The following SETD3 variants were observed in gnomAD, a reference collection of about 807,000 sequenced individuals.
SETD3 encodes actin-histidine N-methyltransferase.
Under a neutral mutation model 63.0 loss-of-function variants are expected in SETD3, and 19 were observed. The ratio of observed to expected loss-of-function variants is 0.30; its 90% CI spans 0.21 to 0.44. The LOEUF (loss-of-function observed/expected upper bound fraction) is 0.44. SETD3 is among the 20% of genes least tolerant of loss of function. SETD3 has a pLI of 1.00. For synonymous variants in SETD3, 286 were observed against 264.1 expected (o/e 1.08, Z -0.80); for missense variants, 587 against 728.5 (o/e 0.81, Z 2.24).
In SETD3 at chr14:99,458,462, C is replaced by T. The variant is rs1269800214; in HGVS notation, c.492G>A (p.Glu164=). Residue 164 remains glutamate (E), a synonymous_variant, in exon 6 of 13, where the codon GAG becomes GAA. Transcript: ENST00000331768. ...GCCAGAAGGAGTTAGGGCTGGCTCGCTCACACAGCAAATGAAAGGCCAGTG... is the reference window on the plus strand; with the variant it reads ...GCCAGAAGGAGTTAGGGCTGGCTCGTTCACACAGCAAATGAAAGGCCAGTG... ...NIALAFHLLC[E]RASPNSFWQP... is the part of the protein sequence containing the mutation. 2.2e-5 allele frequency: 35 copies of T among 1,614,038 alleles called. No homozygotes were observed. Among genetic ancestry groups the T allele is most frequent in the Non-Finnish European group, 2.9e-5 (34 of 1,180,034 alleles).
At chr14:99,433,442 GTTC>G (rs1243848194) in intron 6 of SETD3, among the ~76,000 whole-genome samples, 4 of 151,706 alleles carry the variant, frequency 2.6e-5, no homozygotes, top group Admixed American at 6.6e-5. Flanking sequence ...TATTTTAAAA[GTTC>G]TTTTTTTTTT....
chr14:99,429,207 G>A (rs1893042333), intron 6 of SETD3, among the ~76,000 whole-genome samples: 1 of 152,098 alleles, frequency 6.6e-6, no homozygotes, highest in South Asian at 2.1e-4. Context: ...CCCAGTAAAT[G>A]TTAGTGCCCT....
chr14:99,437,923 G>C (rs1283134851), intron 6 of SETD3, among the ~76,000 whole-genome samples: 3 of 152,132 alleles, frequency 2.0e-5, no homozygotes, highest in Non-Finnish European at 4.4e-5. Flanking sequence ...CCTCAGGTCA[G>C]CCCACATGCC....
At chr14:99,427,914 A>C (rs575546040) in intron 6 of SETD3, among the ~76,000 whole-genome samples, 68 of 152,352 alleles carry the variant, frequency 4.5e-4, no homozygotes, top group African/African-American at 1.6e-3. Context: ...ATGCGAGTTA[A>C]GTCTCTAAAG....
At chr14:99,436,091 G>A (rs1164650257) in intron 6 of SETD3, among the ~76,000 whole-genome samples, 1 of 151,988 alleles carries the variant, frequency 6.6e-6, no homozygotes, top group Non-Finnish European at 1.5e-5. Context: ...AAAACCATCA[G>A]ACCTTGTAAG....
intron 11 of SETD3, among the ~76,000 whole-genome samples, chr14:99,403,455 A>ACT (rs55804663): frequency 0.013 from 1,704 of 135,474 alleles, 6 homozygotes; most frequent in Non-Finnish European, 0.018. Context: ...ACACACACAC[A>ACT]CTCTCTCTCT....
intron 6 of SETD3, among the ~76,000 whole-genome samples, chr14:99,449,078 C>A (rs1246876660): frequency 6.6e-6 from 1 of 152,088 alleles, no homozygotes; most frequent in Non-Finnish European, 1.5e-5. Context: ...AAATAAATAT[C>A]CATGAGTCCA....
chr14:99,400,213 G>C lies in SETD3; in HGVS notation c.1224C>G (p.Ile408Met), dbSNP rs1316240691. The C allele has an allele frequency of 6.2e-7, 1 of 1,614,148 alleles. No homozygotes were observed. The highest frequency in any genetic ancestry group is 1.3e-5 in the African/African-American group (1 of 75,048). The change falls in exon 12 of 13, where the codon ATC becomes ATG. Residue 408 changes from isoleucine (I) to methionine (M), a missense_variant. Transcript: ENST00000331768. ...GAAATTCCGAGTTCCCCAAGGTGAA[G>C]ATTCTATCAATAGCGCTGTCTCCCA... ...HLLGDSAIDR[I>M]FTLGNSEFPV...
At chr14:99,466,163 A>G (rs1895359794) in intron 1 of SETD3, among the ~76,000 whole-genome samples, 3 of 152,206 alleles carry the variant, frequency 2.0e-5, no homozygotes, top group Admixed American at 6.5e-5. Context: ...TGCATACATC[A>G]TACACATATG....
intron 6 of SETD3, among the ~76,000 whole-genome samples, chr14:99,431,526 T>C (rs2139691476): frequency 6.6e-6 from 1 of 152,156 alleles, no homozygotes; most frequent in African/African-American, 2.4e-5. Flanking sequence ...AGTTTTGCTC[T>C]TGTTGCCCAG....
intron 6 of SETD3, among the ~76,000 whole-genome samples, chr14:99,435,598 C>A (rs1212197185): frequency 1.3e-5 from 2 of 152,220 alleles, no homozygotes; most frequent in Non-Finnish European, 2.9e-5. Context: ...CCCTCTTCAG[C>A]ACCCCTAAAG....
chr14:99,428,676 T>C (rs181797046), intron 6 of SETD3, among the ~76,000 whole-genome samples: 1 of 152,086 alleles, frequency 6.6e-6, no homozygotes, highest in African/African-American at 2.4e-5. Flanking sequence ...AAACAAGTGA[T>C]GGAGGAAGTG....
chr14:99,452,356 C>A (rs889395554), intron 6 of SETD3, among the ~76,000 whole-genome samples: 2 of 152,216 alleles, frequency 1.3e-5, no homozygotes, highest in African/African-American at 4.8e-5. Flanking sequence ...CTGCCTGCCT[C>A]GGCCTCCCGG....
chr14:99,440,283 T>C (rs1893726481), intron 6 of SETD3, among the ~76,000 whole-genome samples: 1 of 152,208 alleles, frequency 6.6e-6, no homozygotes, highest in Non-Finnish European at 1.5e-5. Context: ...ATAAAGTTGA[T>C]TTGCAAAATG....
At chr14:99,404,476 T>C (rs1049326303) in intron 10 of SETD3, among the ~76,000 whole-genome samples, 166 bp from the exon 11 acceptor site, 2 of 152,176 alleles carry the variant, frequency 1.3e-5, no homozygotes, top group African/African-American at 4.8e-5. Flanking sequence ...TTTCAGCCCC[T>C]GCAAAAGGCC....
rs1462683249 is a variant in SETD3, at chr14:99,477,445, T to A, written c.-9+3283A>T. On this transcript the variant is annotated intron_variant, in intron 1 of 12. Transcript: ENST00000331768. ...GCTAATTTTTTTTTCAAAAGACTAT[T>A]AAGTAACTTTTTAAAAAGCCAAGTC... 2.0e-5 allele frequency among the ~76,000 whole-genome samples: 3 copies of A among 152,268 alleles called. No individual in the cohort carries two copies. The East Asian group carries it at 5.8e-4, about 29-fold the overall frequency.
Position 99,461,154 on chromosome 14 carries a change from C to T in SETD3, c.345+38G>A, listed in dbSNP as rs778237853. ...CCTCTACAGCACACCACAGTTCAAA[C>T]ACATAGACCCCTTGAGACCAACATT... On this transcript the variant is annotated intron_variant, in intron 4 of 12. Transcript: ENST00000331768. The T allele has an allele frequency of 6.8e-6, 11 of 1,610,418 alleles. No individual in the cohort carries two copies. The Admixed American group carries it at 1.7e-4, about 25-fold the overall frequency.
chr14:99,408,540 G>C (rs1367289088), intron 8 of SETD3, among the ~76,000 whole-genome samples: 1 of 152,094 alleles, frequency 6.6e-6, no homozygotes, highest in Non-Finnish European at 1.5e-5. Context: ...ACAGGAGGGA[G>C]GTTAGAGGAA....
chr14:99,457,150 T>C (rs776074140), intron 6 of SETD3, among the ~76,000 whole-genome samples: 2 of 152,222 alleles, frequency 1.3e-5, no homozygotes, highest in African/African-American at 2.4e-5. Flanking sequence ...GCACACTATA[T>C]GAAGAAGCAA....
Sources: gnomAD v4.1 joint callset for allele counts (sites outside exome capture counted in the v4.1 genomes callset) on GRCh38, gnomAD v4.1.1 for gene constraint, MANE v1.5 for transcripts, NCBI Gene and HGNC (gene_info 2026-07-23, HGNC 2026-07-21) for gene names.